The following DLG2 variants were observed in gnomAD, a reference collection of about 807,000 sequenced individuals.
The protein encoded by DLG2 is disks large homolog 2.
Under a neutral mutation model 132.5 loss-of-function variants are expected in DLG2, and 45 were observed. That is an observed-to-expected ratio of 0.34 (90% confidence interval 0.27 to 0.44). The LOEUF is 0.44. Ranked by LOEUF, DLG2 falls within the 20% of genes least tolerant of loss-of-function variation. DLG2 has a pLI of 1.00. For missense variants in DLG2, 1,045 were observed against 1,196.9 expected (o/e 0.87, Z 1.87); for synonymous variants, 424 against 419.6 (o/e 1.01, Z -0.13).
chr11:83,869,373 A>G (rs898277785), intron 16 of DLG2, among the ~76,000 whole-genome samples: 3 of 152,216 alleles, frequency 2.0e-5, no homozygotes, highest in African/African-American at 7.2e-5. Context: ...TAATTCCATT[A>G]GAGGTCTTGT....
At position 85,607,168 on chromosome 11, in the gene DLG2, A is replaced by C. The variant is rs2080625331; in HGVS notation, c.-92-8380T>G. Among the ~76,000 whole-genome samples the C allele has an allele frequency of 3.3e-5, 5 of 152,146 alleles. No individual in the cohort carries two copies. In the South Asian group the frequency reaches 8.3e-4, roughly 25 times the overall value. On this transcript the variant is annotated intron_variant, in intron 2 of 27. Transcript: ENST00000376104. ...TTAGAATTCAGGGGCTAAATACCAG[A>C]CACCTATTGGCCAGTTAAAAGTGAC...
chr11:83,827,096 G>A (rs1206915383), intron 17 of DLG2, among the ~76,000 whole-genome samples: 2 of 152,146 alleles, frequency 1.3e-5, no homozygotes, highest in Non-Finnish European at 2.9e-5. Context: ...GAACGGCACG[G>A]CAGGTATGGC....
chr11:83,855,857 T>C (rs2060456938), intron 16 of DLG2, among the ~76,000 whole-genome samples: 1 of 152,098 alleles, frequency 6.6e-6, no homozygotes, highest in Admixed American at 6.6e-5. Flanking sequence ...TTTTCAGGGA[T>C]ACATATGCAG....
chr11:83,983,148 T>C (rs2092946662), intron 11 of DLG2, among the ~76,000 whole-genome samples: 1 of 152,154 alleles, frequency 6.6e-6, no homozygotes, highest in Admixed American at 6.5e-5. Context: ...GAATAATTAA[T>C]AGACTCTTTA....
intron 4 of DLG2, among the ~76,000 whole-genome samples, chr11:85,186,056 C>T (rs1020628129): frequency 3.9e-5 from 6 of 151,928 alleles, no homozygotes; most frequent in Non-Finnish European, 7.4e-5. Context: ...TTTGTTTTGA[C>T]ATTAAACTAT....
intron 18 of DLG2, among the ~76,000 whole-genome samples, chr11:83,769,605 C>A (rs765010077): frequency 6.6e-6 from 1 of 150,538 alleles, no homozygotes; most frequent in Admixed American, 6.6e-5. Flanking sequence ...CTCTTGTCGC[C>A]CAGGCTGGAG....
chr11:83,730,573 A>G (rs151059865), intron 18 of DLG2, among the ~76,000 whole-genome samples: 265 of 152,208 alleles, frequency 1.7e-3, no homozygotes, highest in Middle Eastern at 3.4e-3. Flanking sequence ...GGGAGAGCAA[A>G]GGTTAACCAC....
Position 85,584,299 on chromosome 11 carries a change from G to A in DLG2, c.40+14358C>T, listed in dbSNP as rs567999855. On this transcript the variant is annotated intron_variant, in intron 3 of 27. Coordinates refer to ENST00000376104, the MANE Select transcript of DLG2 (RefSeq NM_001142699.3). Reference sequence around the variant, plus strand: ...CAACCCCATCCAGGTTACTGTGAATGCCATTATCTCATTCCTTTTATGGCT... The same window carrying A: ...CAACCCCATCCAGGTTACTGTGAATACCATTATCTCATTCCTTTTATGGCT... 2.4e-4 allele frequency among the ~76,000 whole-genome samples: 37 copies of A among 151,974 alleles called. No individual in the cohort carries two copies. In the East Asian group the frequency reaches 5.8e-3, roughly 24 times the overall value.
intron 4 of DLG2, among the ~76,000 whole-genome samples, chr11:85,210,271 C>T (rs1205362050): frequency 6.6e-6 from 1 of 151,916 alleles, no homozygotes; most frequent in Non-Finnish European, 1.5e-5. Context: ...GATGAATAAG[C>T]CCTCATGTCT....
At chr11:84,905,986 T>A (rs1331697701) in intron 6 of DLG2, among the ~76,000 whole-genome samples, 1 of 152,156 alleles carries the variant, frequency 6.6e-6, no homozygotes, top group Non-Finnish European at 1.5e-5. Context: ...ATGCCTTGTA[T>A]AAACCTCATC....
intron 8 of DLG2, among the ~76,000 whole-genome samples, chr11:84,207,081 C>CTCTCTA (rs148707321): frequency 0.025 from 3,673 of 146,928 alleles, 56 homozygotes; most frequent in African/African-American, 0.035. Flanking sequence ...CTCTCTCTCT[C>CTCTCTA]TATATATATA....
intron 3 of DLG2, among the ~76,000 whole-genome samples, chr11:85,520,064 G>A (rs112844006): frequency 0.014 from 2,148 of 151,070 alleles, 25 homozygotes; most frequent in Middle Eastern, 0.037. Context: ...TATATTTGGT[G>A]GAGATGGGGC....
intron 3 of DLG2, among the ~76,000 whole-genome samples, chr11:85,470,772 G>A (rs977243535): frequency 2.6e-5 from 4 of 152,140 alleles, no homozygotes; most frequent in Non-Finnish European, 5.9e-5. Context: ...AGATGGTTCT[G>A]GCTTTCTGAG....
intron 3 of DLG2, among the ~76,000 whole-genome samples, chr11:85,574,447 CTCCTTGACTCT>C (rs554793381): frequency 1.3e-5 from 2 of 151,994 alleles, no homozygotes; most frequent in South Asian, 4.2e-4. Context: ...AAAATGACTC[CTCCTTGACTCT>C]TCTGTTATTC....
At chr11:84,959,381 C>A (rs572583752) in intron 6 of DLG2, among the ~76,000 whole-genome samples, 1 of 152,260 alleles carries the variant, frequency 6.6e-6, no homozygotes, top group East Asian at 1.9e-4. Context: ...AGGTTTACAG[C>A]AGGAAAATAT....
At chr11:85,260,959 T>C (rs2076907801) in intron 4 of DLG2, among the ~76,000 whole-genome samples, 1 of 152,262 alleles carries the variant, frequency 6.6e-6, no homozygotes, top group Non-Finnish European at 1.5e-5. Flanking sequence ...TGGAAACAAA[T>C]GGTAGATTCT....
At chr11:84,168,439 A>G (rs76226216) in intron 8 of DLG2, among the ~76,000 whole-genome samples, 8,701 of 152,282 alleles carry the variant, frequency 0.057, 312 homozygotes, top group African/African-American at 0.089. Flanking sequence ...TAGCACTACA[A>G]TTGGACTTTG....
At chr11:83,663,252 A>G (rs1239619821) in intron 18 of DLG2, among the ~76,000 whole-genome samples, 1 of 152,184 alleles carries the variant, frequency 6.6e-6, no homozygotes, top group African/African-American at 2.4e-5. Flanking sequence ...AAAGTATTAA[A>G]TGTCAGATCT....
At chr11:83,542,646 G>A (rs764871253) in intron 19 of DLG2, among the ~76,000 whole-genome samples, 3 of 152,292 alleles carry the variant, frequency 2.0e-5, no homozygotes, top group Non-Finnish European at 4.4e-5. Context: ...TAAGGCCAAT[G>A]CACTGTAATA....
Sources: allele counts gnomAD v4.1 joint callset (sites outside exome capture counted in the v4.1 genomes callset), GRCh38; gene constraint gnomAD v4.1.1; transcripts MANE v1.5; gene names NCBI Gene and HGNC (gene_info 2026-07-23, HGNC 2026-07-21).